Variants in NEK11 observed in about 807,000 individuals in gnomAD.
The protein encoded by NEK11 is serine/threonine-protein kinase Nek11.
In NEK11, 72 loss-of-function variants were observed where a neutral mutation model predicts 80.7. That is an observed-to-expected ratio of 0.89 (90% CI 0.74 to 1.08). The LOEUF (loss-of-function observed/expected upper bound fraction) is 1.08, where lower values mean the gene tolerates loss of function less well. Ranked by LOEUF, NEK11 falls within the 50% of genes least tolerant of loss-of-function variation. The probability of loss-of-function intolerance (pLI) is 0.00; values close to 1 mark genes in which losing one functional copy is unlikely to be tolerated. For missense variants in NEK11, 764 were observed against 763.6 expected (o/e 1.00, Z -0.01); for synonymous variants, 251 against 260.7 (o/e 0.96, Z 0.36).
chr3:131,158,477 G>T (rs1262955087), intron 10 of NEK11, among the ~76,000 whole-genome samples: 3 of 152,128 alleles, frequency 2.0e-5, no homozygotes, highest in Non-Finnish European at 4.4e-5. Context: ...GGCCCTACCA[G>T]CACCCTGCCC....
At chr3:131,253,304 C>A (rs148649403) in intron 16 of NEK11, among the ~76,000 whole-genome samples, 1 of 152,062 alleles carries the variant, frequency 6.6e-6, no homozygotes, top group East Asian at 1.9e-4. Context: ...CGCTAAATTC[C>A]CACCAAAATT....
intron 14 of NEK11, among the ~76,000 whole-genome samples, chr3:131,211,511 G>T (rs2094612704): frequency 1.3e-5 from 2 of 152,042 alleles, no homozygotes; most frequent in Admixed American, 6.5e-5. Flanking sequence ...TTGAATGTTG[G>T]CCTGCCTTGC....
intron 17 of NEK11, among the ~76,000 whole-genome samples, chr3:131,278,463 G>A (rs1051346717): frequency 1.3e-5 from 2 of 152,216 alleles, no homozygotes; most frequent in Non-Finnish European, 2.9e-5. Flanking sequence ...ATGGGTGAAC[G>A]GGTGGATAAG....
chr3:131,325,863 G>A (rs1438690955), intron 17 of NEK11: 1 of 152,200 alleles, frequency 6.6e-6, no homozygotes, highest in Non-Finnish European at 1.5e-5. Context: ...TGTGAGAAAA[G>A]TGTTTATGAA....
At chr3:131,309,454 T>C (rs142638982) in intron 17 of NEK11, among the ~76,000 whole-genome samples, 1 of 152,310 alleles carries the variant, frequency 6.6e-6, no homozygotes, top group African/African-American at 2.4e-5. Context: ...GAAGCATATA[T>C]GTCTTAAAAC....
intron 17 of NEK11, among the ~76,000 whole-genome samples, chr3:131,305,008 G>T (rs1218960856): frequency 6.6e-6 from 1 of 151,894 alleles, no homozygotes; most frequent in Admixed American, 6.6e-5. Context: ...GCCAGCATTT[G>T]TGTGTGTGCT....
chr3:131,115,992 T>TTCTTTCTCTTTCTTTC (rs1553878713), intron 5 of NEK11, among the ~76,000 whole-genome samples: 2 of 123,210 alleles, frequency 1.6e-5, no homozygotes, highest in Admixed American at 8.4e-5. Context: ...CTTTCTTTAT[T>TTCTTTCTCTTTCTTTC]ATACTTTAAG....
chr3:131,098,443 G>A (rs928916002), intron 4 of NEK11, among the ~76,000 whole-genome samples: 3 of 152,106 alleles, frequency 2.0e-5, no homozygotes, highest in Non-Finnish European at 4.4e-5. Flanking sequence ...CATTCTGACT[G>A]GTATGAGATG....
At chr3:131,264,789 A>G (rs1338519300) in intron 16 of NEK11, among the ~76,000 whole-genome samples, 9 of 152,166 alleles carry the variant, frequency 5.9e-5, no homozygotes, top group Non-Finnish European at 8.8e-5. Context: ...CATTGAATCT[A>G]TAAATTACCT....
At position 131,136,462 on chromosome 3, in the gene NEK11, G is replaced by A. The variant is rs558908081; in HGVS notation, c.647+2506G>A. ...ATTGTGGAATTTTTTTTTAGGATTA[G>A]AAACACTTATGAATAATTGACAGGT... On this transcript the variant is annotated intron_variant, in intron 7 of 17. Coordinates refer to ENST00000383366, the MANE Select transcript of NEK11 (RefSeq NM_024800.5). Among the ~76,000 whole-genome samples, 18 of 152,198 alleles carry A rather than the reference G, an allele frequency of 1.2e-4. No individual in the cohort carries two copies. In the East Asian group the frequency reaches 3.5e-3, roughly 29 times the overall value.
chr3:131,029,265 G>A (rs112685568), intron 2 of NEK11, among the ~76,000 whole-genome samples: 2 of 152,340 alleles, frequency 1.3e-5, no homozygotes, highest in Admixed American at 6.5e-5. Context: ...GATTTAAGGA[G>A]GTGATAATGT....
chr3:131,260,385 A>G (rs2095894735), intron 16 of NEK11, among the ~76,000 whole-genome samples: 2 of 152,068 alleles, frequency 1.3e-5, no homozygotes, highest in South Asian at 4.1e-4. Flanking sequence ...ATTTGACTTG[A>G]GGTGTTCTAG....
rs955128639 is a variant in NEK11, at chr3:131,312,025, G to A, written c.1719-37532G>A. On this transcript the variant is annotated intron_variant, in intron 17 of 17. Coordinates refer to ENST00000383366, the MANE Select transcript of NEK11 (RefSeq NM_024800.5). ...AGGTATATATAGAAAAGCTCGGAAG[G>A]CAACCAGGCCACAGTCACCCAAGAA... Among the ~76,000 whole-genome samples the A allele has an allele frequency of 2.6e-5, 4 of 152,186 alleles. No homozygotes were observed. In the East Asian group the frequency reaches 7.7e-4, roughly 29 times the overall value.
At chr3:131,248,787 A>G (rs1436507369) in intron 16 of NEK11, among the ~76,000 whole-genome samples, 1 of 152,030 alleles carries the variant, frequency 6.6e-6, no homozygotes, top group Non-Finnish European at 1.5e-5. Flanking sequence ...TCTGTGCACT[A>G]TTTTGCTTTT....
chr3:131,152,346 G>T (rs905782421), intron 7 of NEK11, 42 bp from the exon 8 acceptor site: 2 of 1,535,912 alleles, frequency 1.3e-6, no homozygotes, highest in Non-Finnish European at 1.8e-6. Flanking sequence ...ATTTAAAATA[G>T]GATATTTGTT....
In NEK11 at chr3:131,168,337, C is replaced by CTT. The variant is rs60918535; in HGVS notation, c.1177-481_1177-480dup. 2.9e-4 allele frequency among the ~76,000 whole-genome samples: 42 copies of CTT among 147,076 alleles called. No homozygotes were observed. The South Asian group carries it at 8.3e-3, about 29-fold the overall frequency. On this transcript the variant is annotated intron_variant, in intron 12 of 17. Coordinates refer to ENST00000383366, the MANE Select transcript of NEK11 (RefSeq NM_024800.5). ...GGGTGCAGCCTGAGATGTTGCATTT[C>CTT]TTTTTTTTTTTTTATTTTTATTTAT...
At chr3:131,249,007 G>A (rs2095652907) in intron 16 of NEK11, among the ~76,000 whole-genome samples, 1 of 151,038 alleles carries the variant, frequency 6.6e-6, no homozygotes, top group African/African-American at 2.4e-5. Context: ...TCTAGGCTGG[G>A]TGTTTTTTTT....
intron 17 of NEK11, among the ~76,000 whole-genome samples, chr3:131,309,034 GCT>G (rs1237173199): frequency 6.6e-6 from 1 of 152,194 alleles, no homozygotes; most frequent in East Asian, 1.9e-4. Flanking sequence ...AGGTGGTAAT[GCT>G]CTCTCACCTG....
chr3:131,174,892 G>A, intron 14 of NEK11: 2 of 1,492,800 alleles, frequency 1.3e-6, no homozygotes, highest in South Asian at 1.4e-5. Context: ...ATGCAGTGAA[G>A]TAGGCCTTGG....
Sources: gnomAD v4.1 joint callset for allele counts (sites outside exome capture counted in the v4.1 genomes callset) on GRCh38, gnomAD v4.1.1 for gene constraint, MANE v1.5 for transcripts, NCBI Gene and HGNC (gene_info 2026-07-23, HGNC 2026-07-21) for gene names.